The following MAST1 variants were observed in gnomAD, a reference collection of about 807,000 sequenced individuals.
MAST1 encodes the protein microtubule associated serine/threonine kinase 1, also known as microtubule-associated serine/threonine-protein kinase 1.
MAST1 carries 40 observed loss-of-function variants against 124.6 expected under a neutral mutation model. The observed-to-expected ratio is 0.32, with a 90% CI of 0.25 to 0.42. MAST1 has a LOEUF of 0.42. Among genes scored for constraint, MAST1 ranks in the 10% least tolerant of loss-of-function variants. MAST1 has a pLI of 1.00. For synonymous variants in MAST1, 938 were observed against 939.4 expected, an observed-to-expected ratio of 1.00 and a Z score of 0.03; for missense variants, 1,558 against 2,181.9, an observed-to-expected ratio of 0.71 and a Z score of 5.70.
Position 12,868,729 on chromosome 19 carries a change from C to T in MAST1, c.2653C>T (p.Arg885Cys), listed in dbSNP as rs755721625. 5.0e-6 allele frequency: 8 copies of T among 1,613,224 alleles called. No homozygotes were observed. Among genetic ancestry groups the T allele is most frequent in the East Asian group, 2.2e-5 (1 of 44,856 alleles). ...AAGGGCTACCAATGACTTGGTTCTG[C>T]GCCGGGCGCGGCACCAGCAGATGTC... is the stretch of plus-strand genomic sequence containing the variant. Reference protein sequence around the residue: ...GPRATNDLVLRRARHQQMSGD... With the variant: ...GPRATNDLVLCRARHQQMSGD... The change falls in exon 21 of 26, where the codon CGC (arginine) becomes TGC (cysteine). Residue 885 changes from arginine to cysteine, a missense_variant. Physicochemically the swap from Arg to Cys is radical, Grantham distance 180. Transcript: ENST00000251472.
At position 12,870,953 on chromosome 19, in the gene MAST1, G is replaced by A. The variant is rs748961197; in HGVS notation, c.3126+7G>A. 1 of 1,613,830 alleles carries A rather than the reference G, an allele frequency of 6.2e-7. No individual in the cohort carries two copies. The highest frequency in any genetic ancestry group is 1.7e-5 in the Admixed American group (1 of 59,996). ...CGTGGAGCTGATCCTTAAGGTGAGT[G>A]CAGGGAAGGAGGCACCCTGGGCGGA... On this transcript the variant is annotated splice_region_variant and intron_variant, in intron 23 of 25. Coordinates refer to ENST00000251472, the MANE Select transcript of MAST1 (RefSeq NM_014975.3).
chr19:12,871,347 G>A (rs773494504), intron 24 of MAST1, among the ~76,000 whole-genome samples, 175 bp downstream of exon 24: 4 of 152,126 alleles, frequency 2.6e-5, no homozygotes, highest in South Asian at 4.1e-4. Context: ...GGTGGCTCAC[G>A]CCTGTAACCC....
Position 12,858,444 on chromosome 19 carries a change from G to A in MAST1, c.1157+3G>A, listed in dbSNP as rs1435796717. 24 of 1,613,590 alleles carry A rather than the reference G, an allele frequency of 1.5e-5. No individual in the cohort carries two copies. Among genetic ancestry groups the A allele is most frequent in the African/African-American group, 2.7e-5 (2 of 74,910 alleles). ...CTCATAAGCAACGGTGCCTACGGGT[G>A]AGCCACCCGGGGCTCTGGCGGGGGG... On this transcript the variant is annotated splice_donor_region_variant and intron_variant, in intron 11 of 25. Coordinates refer to ENST00000251472, the MANE Select transcript of MAST1 (RefSeq NM_014975.3).
In MAST1 at chr19:12,847,818, C is replaced by T. The variant is rs1308508580; in HGVS notation, c.565-30C>T. On this transcript the variant is annotated intron_variant, in intron 6 of 25. Coordinates refer to ENST00000251472, the MANE Select transcript of MAST1 (RefSeq NM_014975.3). This position sits in a 1 kb window ranked among gnomAD's most constrained non-coding sequence, Gnocchi z 5.5. ...TGGCGGCCGCAGCCTTCGGGCACAG[C>T]CCCGCGCCCCTCCTCCGTCCCTCCC... 3.1e-6 allele frequency: 5 copies of T among 1,589,028 alleles called. No individual in the cohort carries two copies. The highest frequency in any genetic ancestry group is 1.3e-5 in the African/African-American group (1 of 74,470).
chr19:12,860,666 C>G (rs937670465), intron 12 of MAST1, among the ~76,000 whole-genome samples: 1 of 151,262 alleles, frequency 6.6e-6, no homozygotes. Flanking sequence ...AGGCTGGTCT[C>G]GAACTCCTGA....
At position 12,847,716 on chromosome 19, in the gene MAST1, G is replaced by A; in HGVS notation, c.564+29G>A. 1 of 1,610,588 alleles carries A rather than the reference G, an allele frequency of 6.2e-7. No homozygotes were observed. On this transcript the variant is annotated intron_variant, in intron 6 of 25. Transcript: ENST00000251472. The surrounding 1 kb of genome is among the most constrained non-coding windows in gnomAD (Gnocchi z 5.5). ...AGGTGGGACCCGAGGCGGTCACGGG[G>A]TGACCAGGCGGCCTGCACTCTCGCT...
In MAST1 at chr19:12,862,703, C is replaced by T. The variant is rs144830883; in HGVS notation, c.1367-2106C>T. 4.0e-3 allele frequency among the ~76,000 whole-genome samples: 579 copies of T among 146,094 alleles called. 7 individuals are homozygous for T. Among genetic ancestry groups the T allele is most frequent in the African/African-American group, 0.014 (555 of 39,522 alleles). On this transcript the variant is annotated intron_variant, in intron 12 of 25. Transcript: ENST00000251472. ...GACAGAGTTTCGCTCTGGCTAAACT[C>T]GTTGCCCAGGCTAGAGTGCAATGAC...
intron 2 of MAST1, 140 bp from the exon 3 acceptor site, chr19:12,840,851 A>G: frequency 1.3e-6 from 1 of 763,350 alleles, no homozygotes; most frequent in East Asian, 2.5e-5. Flanking sequence ...GAAAAAATTT[A>G]GAGAGGCGGG....
Position 12,847,003 on chromosome 19 carries a change from T to C in MAST1, c.328-287T>C, listed in dbSNP as rs182822291. Reference sequence around the variant, plus strand: ...GACCTTGTATAACTGGGGAAGGACTTGGGTGTTCACCCTGAGTAAGGTGGG... The same window carrying C: ...GACCTTGTATAACTGGGGAAGGACTCGGGTGTTCACCCTGAGTAAGGTGGG... On this transcript the variant is annotated intron_variant, in intron 4 of 25. Coordinates refer to ENST00000251472, the MANE Select transcript of MAST1 (RefSeq NM_014975.3). The surrounding 1 kb of genome is among the most constrained non-coding windows in gnomAD (Gnocchi z 5.5). Among the ~76,000 whole-genome samples, 7 of 152,080 alleles carry C rather than the reference T, an allele frequency of 4.6e-5. No individual in the cohort carries two copies. The highest frequency in any genetic ancestry group is 1.4e-4 in the African/African-American group (6 of 41,472).
intron 10 of MAST1, among the ~76,000 whole-genome samples, chr19:12,855,988 G>A (rs1970012350): frequency 1.3e-5 from 2 of 148,880 alleles, no homozygotes; most frequent in African/African-American, 4.9e-5. Context: ...TTATAGGTAA[G>A]AGTTCCATAC....
chr19:12,840,973 C>A lies in MAST1; in HGVS notation c.173-18C>A. On this transcript the variant is annotated intron_variant, in intron 2 of 25. Transcript: ENST00000251472. ...GAACGAGAGACCTGACAGGATTTGC[C>A]CCCTCTTTCTCTCATAGGCAGCAGT... is the stretch of plus-strand genomic sequence containing the variant. 1 of 955,438 alleles carries A rather than the reference C, an allele frequency of 1.0e-6. No individual in the cohort carries two copies. Among genetic ancestry groups the A allele is most frequent in the Non-Finnish European group, 1.7e-6 (1 of 577,308 alleles). 59.2% of individuals were successfully genotyped at this position (955,438 alleles called of 1,614,324 possible).
At chr19:12,860,264 G>A (rs80117743) in intron 12 of MAST1, among the ~76,000 whole-genome samples, 23 of 151,660 alleles carry the variant, frequency 1.5e-4, no homozygotes, top group South Asian at 1.0e-3. Context: ...ACAGGTGCCC[G>A]CCACCATGCC....
At position 12,874,948 on chromosome 19, in the gene MAST1, C is replaced by T; in HGVS notation, c.*78C>T. On this transcript the variant is annotated 3_prime_UTR_variant, in exon 26 of 26. Transcript: ENST00000251472. This position sits in a 1 kb window ranked among gnomAD's most constrained non-coding sequence, Gnocchi z 6.6. The stretch of plus-strand genomic sequence containing the variant: ...ATATAAATAAAGTGCGTCCGTGCTG[C>T]GTGAGTTTTCTGGGGCTCACTCCTC... 3 of 1,499,434 alleles carry T rather than the reference C, an allele frequency of 2.0e-6. No individual in the cohort carries two copies. The highest frequency in any genetic ancestry group is 1.7e-4 in the Middle Eastern group (1 of 5,934). 92.9% of individuals were successfully genotyped at this position (1,499,434 alleles called of 1,614,324 possible).
chr19:12,848,024 A>C lies in MAST1; in HGVS notation c.741A>C (p.Glu247Asp), dbSNP rs565397287. 2 of 1,614,096 alleles carry C rather than the reference A, an allele frequency of 1.2e-6. No homozygotes were observed. The highest frequency in any genetic ancestry group is 1.7e-6 in the Non-Finnish European group (2 of 1,179,974). Residue 247 changes from glutamate to aspartate, a missense_variant, in exon 7 of 26, where the codon GAA (glutamate) becomes GAC (aspartate). Glu to Asp is a conservative substitution (Grantham distance 45). Transcript: ENST00000251472. ...TCATCACCACGGTCTACTTCTATGA[A>C]TTGCAGGAGAACCTGGAGAAGCTCC... Reference protein sequence around the residue: ...DGLITTVYFYELQENLEKLLQ... With the variant: ...DGLITTVYFYDLQENLEKLLQ...
Position 12,841,592 on chromosome 19 carries a change from T to C in MAST1, c.248+526T>C, listed in dbSNP as rs193088572. Among the ~76,000 whole-genome samples, 23 of 152,332 alleles carry C rather than the reference T, an allele frequency of 1.5e-4. No homozygotes were observed. Among genetic ancestry groups the C allele is most frequent in the African/African-American group, 5.3e-4 (22 of 41,588 alleles). On this transcript the variant is annotated intron_variant, in intron 3 of 25. Transcript: ENST00000251472. This position sits in a 1 kb window ranked among gnomAD's most constrained non-coding sequence, Gnocchi z 4.3. ...TGAAACTGGGGGAGGCAGAGAGGTT[T>C]CTCTGATGTTTTCTGGAGAAACGTT... is the stretch of plus-strand genomic sequence containing the variant.
chr19:12,851,599 G>A (rs1238537497), intron 7 of MAST1, among the ~76,000 whole-genome samples: 1 of 152,098 alleles, frequency 6.6e-6, no homozygotes, highest in Non-Finnish European at 1.5e-5. Flanking sequence ...GGATTCTCCT[G>A]CTTCAGCCTC....
intron 12 of MAST1, among the ~76,000 whole-genome samples, chr19:12,860,317 C>T (rs1355649431): frequency 6.6e-5 from 10 of 151,830 alleles, no homozygotes; most frequent in Non-Finnish European, 1.2e-4. Flanking sequence ...GGGGTTTCAC[C>T]GTGTTGGCCA....
At chr19:12,861,470 G>A (rs1421929389) in intron 12 of MAST1, among the ~76,000 whole-genome samples, 5 of 152,156 alleles carry the variant, frequency 3.3e-5, no homozygotes, top group Admixed American at 6.6e-5. Flanking sequence ...TAAGTGACCT[G>A]CTAGTACAAA....
Position 12,858,633 on chromosome 19 carries a change from T to C in MAST1, c.1260T>C (p.Phe420=), listed in dbSNP as rs771166866. ...TCCGCAACCAGATCCAGCAGGCCTTTGTGGAGCGCGATATCCTCACCTTCG... is the reference window on the plus strand; with the variant it reads ...TCCGCAACCAGATCCAGCAGGCCTTCGTGGAGCGCGATATCCTCACCTTCG... ...LILRNQIQQA[F]VERDILTFAE... is the part of the protein sequence containing the mutation. The change falls in exon 12 of 26, where the codon TTT becomes TTC. Residue 420 remains phenylalanine, a synonymous_variant. Transcript: ENST00000251472. 2 of 1,614,218 alleles carry C rather than the reference T, an allele frequency of 1.2e-6. No individual in the cohort carries two copies. The highest frequency in any genetic ancestry group is 4.5e-5 in the East Asian group (2 of 44,880).
Sources: allele counts gnomAD v4.1 joint callset (sites outside exome capture counted in the v4.1 genomes callset), GRCh38; gene constraint gnomAD v4.1.1; non-coding constraint Gnocchi (gnomAD v3.1); transcripts MANE v1.5; gene names NCBI Gene and HGNC (gene_info 2026-07-23, HGNC 2026-07-21).